Variants in AGFG2 observed in about 807,000 individuals in gnomAD.
AGFG2 encodes arf-GAP domain and FG repeat-containing protein 2.
AGFG2 carries 31 observed loss-of-function variants against 48.0 expected under a neutral mutation model. The observed-to-expected ratio is 0.65, with a 90% CI of 0.49 to 0.87. AGFG2 has a LOEUF of 0.87. Among genes scored for constraint, AGFG2 ranks in the 40% least tolerant of loss-of-function variants. The probability of loss-of-function intolerance (pLI) is 0.00; values close to 1 mark genes in which losing one functional copy is unlikely to be tolerated. For synonymous variants in AGFG2, 229 were observed against 260.8 expected (o/e 0.88, Z 1.18); for missense variants, 599 against 632.6 (o/e 0.95, Z 0.57).
At chr7:100,545,943 C>T (rs1800502687) in intron 1 of AGFG2, among the ~76,000 whole-genome samples, 1 of 152,144 alleles carries the variant, frequency 6.6e-6, no homozygotes, top group Admixed American at 6.5e-5. Flanking sequence ...TGTAACTAGG[C>T]CCCCTTCCTA....
intron 5 of AGFG2, among the ~76,000 whole-genome samples, chr7:100,555,263 G>GTTTTTTTT (rs1166680394): frequency 8.0e-5 from 6 of 75,176 alleles, no homozygotes; most frequent in Admixed American, 1.4e-4. Context: ...TGTGTGTGTG[G>GTTTTTTTT]TTTTTTTTTT....
At chr7:100,550,232 C>T (rs933101850) in intron 2 of AGFG2, among the ~76,000 whole-genome samples, 164 bp from the exon 3 acceptor site, 21 of 144,642 alleles carry the variant, frequency 1.5e-4, no homozygotes, top group Admixed American at 4.4e-4. Flanking sequence ...GCTTGAACCC[C>T]GGAGGTGGAG....
At chr7:100,547,844 CA>C in intron 1 of AGFG2, among the ~76,000 whole-genome samples, 1 of 152,268 alleles carries the variant, frequency 6.6e-6, no homozygotes, top group African/African-American at 2.4e-5. Flanking sequence ...ATAAGAAAAT[CA>C]AATATTTCTT....
At chr7:100,546,160 GC>G (rs530123407) in intron 1 of AGFG2, among the ~76,000 whole-genome samples, 4 of 143,720 alleles carry the variant, frequency 2.8e-5, no homozygotes, top group Non-Finnish European at 4.5e-5. Context: ...CACGTCTGCC[GC>G]CCCCCCCGCC....
In AGFG2 at chr7:100,540,788, C is replaced by T. The variant is rs1700787026; in HGVS notation, c.221+1221C>T. Among the ~76,000 whole-genome samples, 4 of 151,922 alleles carry T rather than the reference C, an allele frequency of 2.6e-5. No individual in the cohort carries two copies. In the South Asian group the frequency reaches 8.3e-4, roughly 32 times the overall value. On this transcript the variant is annotated intron_variant, in intron 1 of 11. Transcript: ENST00000300176. ...TAGCACTTTGGGAGGCCGAGGCAGGCAGATCATGAGGTCAAGAGATCGAGA... is the reference window on the plus strand; with the variant it reads ...TAGCACTTTGGGAGGCCGAGGCAGGTAGATCATGAGGTCAAGAGATCGAGA...
chr7:100,550,808 A>G (rs1800615191), intron 3 of AGFG2, among the ~76,000 whole-genome samples: 1 of 149,866 alleles, frequency 6.7e-6, no homozygotes, highest in Admixed American at 6.7e-5. Context: ...GTATGGGGAG[A>G]GATGGCTGGA....
chr7:100,554,318 C>T (rs1370669077), intron 5 of AGFG2, 60 bp downstream of exon 5: 1 of 1,532,112 alleles, frequency 6.5e-7, no homozygotes, highest in South Asian at 1.3e-5. Flanking sequence ...CATGAGAGAT[C>T]CAGTCCCTGG....
Position 100,539,214 on chromosome 7 carries a change from A to G in AGFG2, c.-133A>G. 1 of 887,592 alleles carries G rather than the reference A, an allele frequency of 1.1e-6. No individual in the cohort carries two copies. Among genetic ancestry groups the G allele is most frequent in the East Asian group, 3.3e-5 (1 of 30,146 alleles). 55.0% of individuals were successfully genotyped at this position (887,592 alleles called of 1,614,324 possible). ...CGGGCAAGGAGGGTGGTGGACGGCG[A>G]AGTCTCCTGCGGATGCCGCCCGCTC... On this transcript the variant is annotated 5_prime_UTR_variant, in exon 1 of 12. Coordinates refer to ENST00000300176, the MANE Select transcript of AGFG2 (RefSeq NM_006076.5).
At chr7:100,540,989 C>T (rs1049282401) in intron 1 of AGFG2, among the ~76,000 whole-genome samples, 9 of 126,322 alleles carry the variant, frequency 7.1e-5, no homozygotes, top group African/African-American at 2.4e-4. Flanking sequence ...TTCAGCCTGG[C>T]GACAGAGCAA....
In AGFG2 at chr7:100,562,136, C is replaced by T. The variant is rs899978891; in HGVS notation, c.878-123C>T. ...TGAGAAAATGGGCTGCCTCAGAGAA[C>T]CCAGCAGGCACCTGTCATGCCATGA... On this transcript the variant is annotated intron_variant, in intron 6 of 11. Coordinates refer to ENST00000300176, the MANE Select transcript of AGFG2 (RefSeq NM_006076.5). This position sits in a 1 kb window ranked among gnomAD's most constrained non-coding sequence, Gnocchi z 5.4. 3 of 1,354,142 alleles carry T rather than the reference C, an allele frequency of 2.2e-6. No individual in the cohort carries two copies. Among genetic ancestry groups the T allele is most frequent in the Admixed American group, 2.0e-5 (1 of 50,360 alleles). The allele number at this position is 1,354,142 out of a possible 1,614,324, so 83.9% of individuals were successfully genotyped here. A position where few individuals can be genotyped will look rare whatever the true frequency, so the allele number is the denominator to read the frequency against.
At chr7:100,563,234 T>C (rs565432929) in intron 9 of AGFG2, among the ~76,000 whole-genome samples, 1 of 152,290 alleles carries the variant, frequency 6.6e-6, no homozygotes, top group East Asian at 1.9e-4. Flanking sequence ...GCAGTGTCCC[T>C]TTGGGCACCC....
chr7:100,568,051 TCCTG>T lies in AGFG2; in HGVS notation c.*3064_*3067del, dbSNP rs1486728537. On this transcript the variant is annotated 3_prime_UTR_variant, in exon 12 of 12. Transcript: ENST00000300176. ...CCCCAGGCCCTCAGATCCCTGCTCT[TCCTG>T]CCTTTCCTGCCCATGTGTCACCCAG... The T allele has an allele frequency of 1.3e-5, 2 of 152,728 alleles. No homozygotes were observed. The highest frequency in any genetic ancestry group is 2.9e-5 in the Non-Finnish European group (2 of 68,108). The allele number at this position is 152,728 out of a possible 1,614,324, so 9.5% of individuals were successfully genotyped here.
At chr7:100,541,512 T>C (rs1419707864) in intron 1 of AGFG2, among the ~76,000 whole-genome samples, 1 of 151,404 alleles carries the variant, frequency 6.6e-6, no homozygotes, top group Admixed American at 6.6e-5. Flanking sequence ...GGTGGCTCAG[T>C]ATGTATAGGA....
chr7:100,560,069 G>A (rs940668491), intron 6 of AGFG2, among the ~76,000 whole-genome samples: 6 of 152,200 alleles, frequency 3.9e-5, no homozygotes, highest in South Asian at 2.1e-4. Flanking sequence ...TCAGCCATCC[G>A]AGGAAAGGGA....
In AGFG2 at chr7:100,565,042, C is replaced by T; in HGVS notation, c.*51C>T. The T allele has an allele frequency of 6.4e-7, 1 of 1,574,684 alleles. No individual in the cohort carries two copies. The highest frequency in any genetic ancestry group is 8.7e-7 in the Non-Finnish European group (1 of 1,144,072). ...CCTGCCTTCTGGGGCCCCTCTGCTC[C>T]CTAGAGCTCTGGTGACCACTTGCCT... is the stretch of plus-strand genomic sequence containing the variant. On this transcript the variant is annotated 3_prime_UTR_variant, in exon 12 of 12. Transcript: ENST00000300176.
At position 100,566,193 on chromosome 7, in the gene AGFG2, G is replaced by A. The variant is rs1292978953; in HGVS notation, c.*1202G>A. 1 of 152,222 alleles carries A rather than the reference G, an allele frequency of 6.6e-6. No individual in the cohort carries two copies. The highest frequency in any genetic ancestry group is 2.4e-5 in the African/African-American group (1 of 41,446). The allele number at this position is 152,222 out of a possible 1,614,324, so 9.4% of individuals were successfully genotyped here. A position where few individuals can be genotyped will look rare whatever the true frequency, so the allele number is the denominator to read the frequency against. ...AATGAGAAGAAGCGTGGCGGGAGAG[G>A]AGCCACCACTGCCGGGGACTGGAGT... On this transcript the variant is annotated 3_prime_UTR_variant, in exon 12 of 12. Coordinates refer to ENST00000300176, the MANE Select transcript of AGFG2 (RefSeq NM_006076.5).
Position 100,568,166 on chromosome 7 carries a change from G to T in AGFG2, c.*3175G>T, listed in dbSNP as rs978185673. On this transcript the variant is annotated 3_prime_UTR_variant, in exon 12 of 12. Transcript: ENST00000300176. ...TTCACAAGGAAGGGTGCTGCAGGGG[G>T]ACCTGGTTGATGGGGAGTGGGAAGG... is the stretch of plus-strand genomic sequence containing the variant. 3 of 152,766 alleles carry T rather than the reference G, an allele frequency of 2.0e-5. No individual in the cohort carries two copies. Among genetic ancestry groups the T allele is most frequent in the African/African-American group, 4.8e-5 (2 of 41,454 alleles). The allele number at this position is 152,766 out of a possible 1,614,324, so 9.5% of individuals were successfully genotyped here.
intron 5 of AGFG2, among the ~76,000 whole-genome samples, chr7:100,554,718 T>C (rs1800722459): frequency 6.6e-6 from 1 of 151,984 alleles, no homozygotes; most frequent in Admixed American, 6.6e-5. Context: ...GCAGATCACC[T>C]GAGGTCAGGA....
At chr7:100,558,228 AC>A (rs755871754) in intron 6 of AGFG2, among the ~76,000 whole-genome samples, 6 of 152,244 alleles carry the variant, frequency 3.9e-5, no homozygotes, top group Non-Finnish European at 7.3e-5. Flanking sequence ...AAACAAAAAA[AC>A]AAAAGAAAAT....
Sources: gnomAD v4.1 joint callset for allele counts (sites outside exome capture counted in the v4.1 genomes callset) on GRCh38, gnomAD v4.1.1 for gene constraint, Gnocchi (gnomAD v3.1) non-coding constraint, MANE v1.5 for transcripts, NCBI Gene and HGNC (gene_info 2026-07-23, HGNC 2026-07-21) for gene names.